KCNN2: variants seen among roughly 807,000 people sequenced by gnomAD.
KCNN2 encodes the protein small conductance calcium-activated potassium channel protein 2.
A neutral mutation model predicts 55.5 loss-of-function variants in KCNN2; 24 were observed. The ratio of observed to expected loss-of-function variants is 0.43; its 90% CI spans 0.31 to 0.61. The LOEUF is 0.61. Among genes scored for constraint, KCNN2 ranks in the 20% least tolerant of loss-of-function variants. KCNN2 has a pLI of 0.08. For synonymous variants in KCNN2, 431 were observed against 336.1 expected, an observed-to-expected ratio of 1.28 and a Z score of -3.09; for missense variants, 754 against 853.6, an observed-to-expected ratio of 0.88 and a Z score of 1.45.
Position 114,085,218 on chromosome 5 carries a change from T to C in KCNN2, c.-271+28718T>C, listed in dbSNP as rs573029357. 1.5e-4 allele frequency among the ~76,000 whole-genome samples: 23 copies of C among 152,074 alleles called. No homozygotes were observed. The South Asian group carries it at 4.6e-3, about 30-fold the overall frequency. ...CTTTTCTGGGTCTTTTCCCTTTCCA[T>C]ATAAACTTTAGCATCAGTTTATTGA... On this transcript the variant is annotated intron_variant, in intron 1 of 10. Transcript: ENST00000512097.
At chr5:114,366,505 AAAAT>A (rs1362390365) in intron 2 of KCNN2, among the ~76,000 whole-genome samples, 3 of 152,192 alleles carry the variant, frequency 2.0e-5, no homozygotes, top group African/African-American at 7.2e-5. Flanking sequence ...CTTTTATTAA[AAAAT>A]AAATAAATAA....
Position 114,285,554 on chromosome 5 carries a change from AT to A in KCNN2, c.-185+63991del, listed in dbSNP as rs1393755824. Reference sequence around the variant, plus strand: ...CAAGGAACCTGGATTGTCTCCTAAAATTATAGATCAGAATTAAGTAGCAAAT... The same window carrying A: ...CAAGGAACCTGGATTGTCTCCTAAAATATAGATCAGAATTAAGTAGCAAAT... On this transcript the variant is annotated intron_variant, in intron 2 of 10. Transcript: ENST00000512097. 3.9e-5 allele frequency among the ~76,000 whole-genome samples: 6 copies of A among 152,298 alleles called. No homozygotes were observed. In the East Asian group the frequency reaches 1.2e-3, roughly 29 times the overall value.
At chr5:114,296,628 C>T (rs1756017477) in intron 2 of KCNN2, among the ~76,000 whole-genome samples, 3 of 152,016 alleles carry the variant, frequency 2.0e-5, no homozygotes, top group Admixed American at 6.6e-5. Flanking sequence ...CTAAGGGAGG[C>T]CATAAGCACT....
chr5:114,388,956 A>G lies in KCNN2; in HGVS notation c.1219-15482A>G, dbSNP rs139507007. Among the ~76,000 whole-genome samples, 7 of 152,288 alleles carry G rather than the reference A, an allele frequency of 4.6e-5. No individual in the cohort carries two copies. The East Asian group carries it at 1.3e-3, about 29-fold the overall frequency. On this transcript the variant is annotated intron_variant, in intron 2 of 7. Coordinates refer to ENST00000673685, the MANE Select transcript of KCNN2 (RefSeq NM_021614.4). Reference sequence around the variant, plus strand: ...GTTGAGGTCAACACTGTTATTTGGAACATGAGGCTTTGCATTGTGTTGTAA... The same window carrying G: ...GTTGAGGTCAACACTGTTATTTGGAGCATGAGGCTTTGCATTGTGTTGTAA...
intron 2 of KCNN2, among the ~76,000 whole-genome samples, chr5:114,346,053 A>G (rs1021056509): frequency 2.4e-4 from 37 of 152,144 alleles, no homozygotes; most frequent in African/African-American, 8.7e-4. Context: ...AAATGTTGGG[A>G]TTACAGGCAT....
intron 2 of KCNN2, among the ~76,000 whole-genome samples, chr5:114,340,183 T>G (rs1444389038): frequency 6.6e-6 from 1 of 152,210 alleles, no homozygotes; most frequent in African/African-American, 2.4e-5. Flanking sequence ...ATTTTGTTGA[T>G]TGAATCTCCC....
intron 1 of KCNN2, among the ~76,000 whole-genome samples, chr5:114,103,499 G>A (rs1178229688): frequency 1.3e-5 from 2 of 152,116 alleles, no homozygotes; most frequent in African/African-American, 4.8e-5. Context: ...TCCTTGCCTT[G>A]TGCCTGTTTT....
chr5:114,467,446 G>A (rs999216138), intron 4 of KCNN2, among the ~76,000 whole-genome samples: 8 of 152,276 alleles, frequency 5.3e-5, no homozygotes, highest in African/African-American at 1.4e-4. Flanking sequence ...TTGACATTGG[G>A]TGTTTAATTT....
At chr5:114,184,609 A>T (rs1435796578) in intron 1 of KCNN2, among the ~76,000 whole-genome samples, 2 of 152,190 alleles carry the variant, frequency 1.3e-5, no homozygotes, top group East Asian at 3.8e-4. Flanking sequence ...ATGCTGGATT[A>T]TATTTAAAAA....
At chr5:114,174,171 A>T (rs867766686) in intron 1 of KCNN2, among the ~76,000 whole-genome samples, 1 of 152,142 alleles carries the variant, frequency 6.6e-6, no homozygotes, top group South Asian at 2.1e-4. Context: ...AAACAAAATG[A>T]ATTTAGAAAA....
chr5:114,203,365 G>A (rs529454015), intron 1 of KCNN2, among the ~76,000 whole-genome samples: 10 of 152,096 alleles, frequency 6.6e-5, no homozygotes, highest in South Asian at 2.1e-4. Flanking sequence ...TGTTCCTTGC[G>A]GGATGCTCAC....
chr5:114,415,013 A>G (rs1197702611), intron 3 of KCNN2, among the ~76,000 whole-genome samples: 1 of 152,188 alleles, frequency 6.6e-6, no homozygotes, highest in Non-Finnish European at 1.5e-5. Context: ...GTGACCACTA[A>G]TATACTATCT....
chr5:114,342,438 G>A (rs1023016756), intron 2 of KCNN2, among the ~76,000 whole-genome samples: 3 of 150,816 alleles, frequency 2.0e-5, no homozygotes, highest in Admixed American at 6.6e-5. Flanking sequence ...CAAGCCATAT[G>A]GTGTGTGCGT....
At chr5:114,427,727 G>A (rs187550560) in intron 3 of KCNN2, among the ~76,000 whole-genome samples, 216 of 152,234 alleles carry the variant, frequency 1.4e-3, no homozygotes, top group Middle Eastern at 3.4e-3. Flanking sequence ...AAATAAGTAT[G>A]GAATGCTAAG....
intron 2 of KCNN2, among the ~76,000 whole-genome samples, chr5:114,300,908 C>T (rs1158026697): frequency 1.3e-5 from 2 of 152,170 alleles, no homozygotes; most frequent in African/African-American, 2.4e-5. Flanking sequence ...ATCAGTGCCT[C>T]TCAAAATGGG....
intron 2 of KCNN2, among the ~76,000 whole-genome samples, chr5:114,244,786 G>A (rs1285209685): frequency 6.6e-6 from 1 of 152,134 alleles, no homozygotes; most frequent in Non-Finnish European, 1.5e-5. Flanking sequence ...GGTATCTGAA[G>A]CTTTACTCAT....
chr5:114,301,327 T>C lies in KCNN2; in HGVS notation c.-184-59618T>C, dbSNP rs1756155198. Among the ~76,000 whole-genome samples the C allele has an allele frequency of 1.3e-5, 2 of 152,218 alleles. 1 individual carries two copies. Among genetic ancestry groups the C allele is most frequent in the South Asian group, 4.1e-4 (2 of 4,836 alleles). On this transcript the variant is annotated intron_variant, in intron 2 of 10. Coordinates refer to the KCNN2 transcript ENST00000512097. Reference sequence around the variant, plus strand: ...TGAGGATTAAATAAAGAAAATTAATTAAAACCTGATAGCTACCTTCATTCT... The same window carrying C: ...TGAGGATTAAATAAAGAAAATTAATCAAAACCTGATAGCTACCTTCATTCT...
At chr5:114,352,825 A>G (rs1200474824) in intron 2 of KCNN2, among the ~76,000 whole-genome samples, 2 of 151,862 alleles carry the variant, frequency 1.3e-5, no homozygotes, top group African/African-American at 4.8e-5. Context: ...TATTTTGGAC[A>G]ATGTTCCTTG....
At chr5:114,279,230 C>G (rs910468069) in intron 2 of KCNN2, among the ~76,000 whole-genome samples, 3 of 151,956 alleles carry the variant, frequency 2.0e-5, no homozygotes, top group Non-Finnish European at 2.9e-5. Context: ...TTAGAAATAC[C>G]TTCAAAATAT....
Sources: allele counts gnomAD v4.1 joint callset (sites outside exome capture counted in the v4.1 genomes callset), GRCh38; gene constraint gnomAD v4.1.1; transcripts MANE v1.5; gene names NCBI Gene and HGNC (gene_info 2026-07-23, HGNC 2026-07-21).